Variants in KIFC3 observed in about 807,000 individuals in gnomAD.
The protein encoded by KIFC3 is kinesin family member C3.
In KIFC3, 60 loss-of-function variants were observed where a neutral mutation model predicts 101.8. That is an observed-to-expected ratio of 0.59 (90% confidence interval 0.48 to 0.73). KIFC3 has a LOEUF of 0.73. KIFC3 is among the 30% of genes least tolerant of loss of function. The probability of loss-of-function intolerance (pLI) is 0.00; values close to 1 mark genes in which losing one functional copy is unlikely to be tolerated. For missense variants in KIFC3, 966 were observed against 1,137.1 expected (o/e 0.85, Z 2.16); for synonymous variants, 476 against 482.7 (o/e 0.99, Z 0.18).
intron 3 of KIFC3, among the ~76,000 whole-genome samples, chr16:57,780,284 G>A (rs1555613737): frequency 6.6e-6 from 1 of 152,156 alleles, no homozygotes; most frequent in Non-Finnish European, 1.5e-5. Flanking sequence ...GCTTAAGCAG[G>A]TGGATCACCT....
intron 1 of KIFC3, among the ~76,000 whole-genome samples, chr16:57,856,538 G>T (rs1385816556): frequency 6.6e-6 from 1 of 150,440 alleles, no homozygotes; most frequent in Non-Finnish European, 1.5e-5. Flanking sequence ...GAAAGAAAAA[G>T]AAAGAAGAAA....
In KIFC3 at chr16:57,823,761, T is replaced by TTGTGTGTGTGTGTGTGTG. The variant is rs542476459; in HGVS notation, c.109-25497_109-25480dup. On this transcript the variant is annotated intron_variant, in intron 1 of 2. Transcript: ENST00000563028. The stretch of plus-strand genomic sequence containing the variant: ...GTGTGCACCACCACACCCGGCTACT[T>TTGTGTGTGTGTGTGTGTG]TGTGTGTGTGTGTGTGTGTGTGTGT... 7.9e-3 allele frequency among the ~76,000 whole-genome samples: 1,077 copies of TTGTGTGTGTGTGTGTGTG among 136,676 alleles called. 12 individuals carry two copies. Among genetic ancestry groups the TTGTGTGTGTGTGTGTGTG allele is most frequent in the Non-Finnish European group, 9.8e-3 (628 of 64,060 alleles). 89.7% of individuals were successfully genotyped at this position (136,676 alleles called of 152,430 possible).
intron 12 of KIFC3, among the ~76,000 whole-genome samples, 158 bp from the exon 13 acceptor site, chr16:57,762,428 GCTGCGGGCAA>G (rs2049978161): frequency 6.6e-6 from 1 of 152,158 alleles, no homozygotes; most frequent in African/African-American, 2.4e-5. Flanking sequence ...CCCTCCACCA[GCTGCGGGCAA>G]CTGCACCTCT....
At chr16:57,768,732 T>C (rs914545138) in intron 9 of KIFC3, among the ~76,000 whole-genome samples, 1 of 152,210 alleles carries the variant, frequency 6.6e-6, no homozygotes, top group Non-Finnish European at 1.5e-5. Context: ...CCAAAATATA[T>C]TAGTCTTTGC....
upstream of KIFC3, chr16:57,803,288 A>G (rs1555626225): frequency 7.2e-6 from 5 of 694,798 alleles, no homozygotes; most frequent in Non-Finnish European, 1.3e-5. Flanking sequence ...CAGCCGGGAG[A>G]GACAGCTGAC....
chr16:57,780,907 T>A (rs1451153352), intron 3 of KIFC3, among the ~76,000 whole-genome samples: 1 of 151,988 alleles, frequency 6.6e-6, no homozygotes, highest in African/African-American at 2.4e-5. Flanking sequence ...ACTCCTGACC[T>A]CAGAAGATCT....
At chr16:57,817,755 A>C (rs1229395248) in intron 1 of KIFC3, among the ~76,000 whole-genome samples, 1 of 152,200 alleles carries the variant, frequency 6.6e-6, no homozygotes, top group Non-Finnish European at 1.5e-5. Context: ...CCAGGTGGAT[A>C]TAAATTTGGG....
intron 3 of KIFC3, chr16:57,776,524 T>C (rs1466527479): frequency 6.2e-6 from 3 of 480,196 alleles, no homozygotes; most frequent in African/African-American, 4.2e-5. Flanking sequence ...AAGTTCTCTA[T>C]GTCTCTTAGT....
intron 1 of KIFC3, among the ~76,000 whole-genome samples, chr16:57,812,111 G>A (rs191685537): frequency 1.3e-5 from 2 of 148,654 alleles, no homozygotes; most frequent in African/African-American, 2.5e-5. Flanking sequence ...GCGCGATCTC[G>A]GCTCACTGGA....
Position 57,760,109 on chromosome 16 carries a change from T to C in KIFC3, c.2367+173A>G. The stretch of plus-strand genomic sequence containing the variant: ...AGGAACCTCCGAGGCCAAGAAGAAA[T>C]ACCTGTACTGAAGAGGCTGCTGGCT... On this transcript the variant is annotated intron_variant, in intron 17 of 19. Coordinates refer to ENST00000445690, the MANE Select transcript of KIFC3 (RefSeq NM_001130100.2). 3.8e-6 allele frequency: 3 copies of C among 797,880 alleles called. No individual in the cohort carries two copies. In the South Asian group the frequency reaches 5.2e-5, roughly 14 times the overall value. The allele number at this position is 797,880 out of a possible 1,614,324, so 49.4% of individuals were successfully genotyped here. A position where few individuals can be genotyped will look rare whatever the true frequency, so the allele number is the denominator to read the frequency against.
At position 57,774,719 on chromosome 16, in the gene KIFC3, G is replaced by A. The variant is rs546997496; in HGVS notation, c.316-2431C>T. The A allele has an allele frequency of 1.1e-3, 525 of 466,728 alleles. 2 individuals carry two copies. Among genetic ancestry groups the A allele is most frequent in the Non-Finnish European group, 1.5e-3 (417 of 273,250 alleles). The allele number at this position is 466,728 out of a possible 1,614,324, so 28.9% of individuals were successfully genotyped here. On this transcript the variant is annotated intron_variant, in intron 3 of 19. Coordinates refer to ENST00000445690, the MANE Select transcript of KIFC3 (RefSeq NM_001130100.2). ...TTTTTTTTTTTTAATGTATAGAAGG[G>A]TCTTGCCATTTTGCCCAAGCTGGCC...
intron 1 of KIFC3, among the ~76,000 whole-genome samples, chr16:57,847,751 C>G (rs562118123): frequency 7.0e-6 from 1 of 142,540 alleles, no homozygotes; most frequent in Admixed American, 7.3e-5. Flanking sequence ...GTCCAGATGC[C>G]AGATGAATTT....
chr16:57,787,209 C>T (rs1381199850), intron 3 of KIFC3, among the ~76,000 whole-genome samples: 1 of 152,254 alleles, frequency 6.6e-6, no homozygotes, highest in Non-Finnish European at 1.5e-5. Context: ...CACTGGACTC[C>T]TGGCCCAAGA....
intron 18 of KIFC3, chr16:57,759,371 T>A: frequency 1.6e-6 from 1 of 615,528 alleles, no homozygotes; most frequent in South Asian, 2.0e-5. Context: ...CCGGGGCAGC[T>A]GAGGCACAGG....
In KIFC3 at chr16:57,760,849, A is replaced by C; in HGVS notation, c.2109T>G (p.Ala703=). ...GCAGGGCAGCAATGACGTCCCCCAGAGCCGACAGCGACTTGTTGATGTGCT... is the reference window on the plus strand; with the variant it reads ...GCAGGGCAGCAATGACGTCCCCCAGCGCCGACAGCGACTTGTTGATGTGCT... ...EAQHINKSLS[A]LGDVIAALRS... is the part of the protein sequence containing the mutation. Residue 703 remains alanine (A), a synonymous_variant, in exon 16 of 20, where the codon GCT becomes GCG. Transcript: ENST00000445690. 1 of 1,613,120 alleles carries C rather than the reference A, an allele frequency of 6.2e-7. No homozygotes were observed. The highest frequency in any genetic ancestry group is 8.5e-7 in the Non-Finnish European group (1 of 1,179,972).
intron 1 of KIFC3, among the ~76,000 whole-genome samples, chr16:57,862,299 T>C (rs979668719): frequency 6.6e-6 from 1 of 151,490 alleles, no homozygotes; most frequent in African/African-American, 2.4e-5. Context: ...GCTGGGATTA[T>C]AGGTGTGAGC....
At chr16:57,853,209 A>G (rs1286850732) in intron 1 of KIFC3, among the ~76,000 whole-genome samples, 1 of 152,166 alleles carries the variant, frequency 6.6e-6, no homozygotes, top group Non-Finnish European at 1.5e-5. Flanking sequence ...ACCTGAGGTC[A>G]GGATTTTGAG....
At chr16:57,776,418 G>A in intron 3 of KIFC3, 1 of 985,528 alleles carries the variant, frequency 1.0e-6, no homozygotes, top group South Asian at 4.7e-5. Context: ...CTGATGGGCA[G>A]TAATAGCAGC....
upstream of KIFC3, chr16:57,802,580 C>G: frequency 1.0e-6 from 1 of 989,068 alleles, no homozygotes; most frequent in Non-Finnish European, 1.2e-6. This position sits in a 1 kb window ranked among gnomAD's most constrained non-coding sequence, Gnocchi z 5.0. Context: ...GGCGGCGGCG[C>G]GCGCCCGCAC....
Sources: allele counts gnomAD v4.1 joint callset (sites outside exome capture counted in the v4.1 genomes callset), GRCh38; gene constraint gnomAD v4.1.1; non-coding constraint Gnocchi (gnomAD v3.1); transcripts MANE v1.5; gene names NCBI Gene and HGNC (gene_info 2026-07-23, HGNC 2026-07-21).